S100A13: variants seen among roughly 807,000 people sequenced by gnomAD.
S100A13 encodes protein S100-A13.
In S100A13, 6 loss-of-function variants were observed where a neutral mutation model predicts 8.2. That is an observed-to-expected ratio of 0.73 (90% CI 0.40 to 1.44). S100A13 has a LOEUF of 1.44. Among genes scored for constraint, S100A13 ranks in the 40% most tolerant of loss-of-function variants. The pLI is 0.02. For synonymous variants in S100A13, 39 were observed against 45.9 expected (o/e 0.85, Z 0.61); for missense variants, 114 against 113.6 (o/e 1.00, Z -0.02).
chr1:153,633,439 G>A (rs1328235369), upstream of S100A13, among the ~76,000 whole-genome samples: 2 of 152,012 alleles, frequency 1.3e-5, no homozygotes, highest in African/African-American at 2.4e-5. Flanking sequence ...GTGGGGGGAG[G>A]ACATGGAAAC....
chr1:153,623,033 T>A (rs1293406107), intron 2 of S100A13, among the ~76,000 whole-genome samples: 1 of 151,106 alleles, frequency 6.6e-6, no homozygotes, highest in Non-Finnish European at 1.5e-5. Flanking sequence ...GAGGCTGCAG[T>A]GAACTGTAAT....
Position 153,624,586 on chromosome 1 carries a change from A to G in S100A13, c.153+1734T>C, listed in dbSNP as rs187599697. 8.1e-4 allele frequency among the ~76,000 whole-genome samples: 122 copies of G among 151,464 alleles called. 1 individual carries two copies. The highest frequency in any genetic ancestry group is 3.5e-3 in the Admixed American group (53 of 15,232). On this transcript the variant is annotated intron_variant, in intron 2 of 2. Transcript: ENST00000476133. ...AAACCACAATCACTGCTTGACAAGG[A>G]TATAAGGAATGCTGTCCCTTCAGGA...
At chr1:153,631,840 G>A, upstream of S100A13, 1 of 1,613,644 alleles carries the variant, frequency 6.2e-7, no homozygotes, top group Non-Finnish European at 8.5e-7. Context: ...GAGAACAGTT[G>A]AGCAGACAGC....
upstream of S100A13, chr1:153,631,945 C>T (rs530981857): frequency 5.1e-6 from 7 of 1,360,598 alleles, no homozygotes; most frequent in African/African-American, 6.0e-5. Flanking sequence ...TAACCCCACC[C>T]TTGCCCACCC....
At chr1:153,625,461 A>T (rs559667618) in intron 2 of S100A13, among the ~76,000 whole-genome samples, 1 of 152,332 alleles carries the variant, frequency 6.6e-6, no homozygotes, top group South Asian at 2.1e-4. Context: ...CGAGAGAAGG[A>T]ATGACTCTTA....
At chr1:153,619,623 T>C (rs753664900) in intron 2 of S100A13, among the ~76,000 whole-genome samples, 3 of 152,192 alleles carry the variant, frequency 2.0e-5, no homozygotes, top group African/African-American at 4.8e-5. Flanking sequence ...GTATCTCTCA[T>C]AGGCCTGTGA....
upstream of S100A13, chr1:153,627,920 A>G (rs140301290): frequency 3.5e-4 from 369 of 1,056,550 alleles, 2 homozygotes; most frequent in African/African-American, 5.1e-3. Flanking sequence ...GCTACAGACC[A>G]AGATCCCTCA....
In S100A13 at chr1:153,618,941, G is replaced by C. The variant is rs778746271; in HGVS notation, c.251C>G (p.Ala84Gly). The C allele has an allele frequency of 2.5e-5, 41 of 1,613,842 alleles. No individual in the cohort carries two copies. Among genetic ancestry groups the C allele is most frequent in the Admixed American group, 5.0e-5 (3 of 59,980 alleles). The change falls in exon 3 of 3, where the codon GCC (alanine) becomes GGC (glycine). Residue 84 changes from alanine to glycine, a missense_variant. Transcript: ENST00000476133. ...NEYWRLIGEL[A>G]KEIRKKKDLK... ...GTCTTTCTTCTTCCTGATTTCCTTG[G>C]CCAGCTCCCCAATCAATCTCCAGTA...
chr1:153,621,600 C>T (rs1183100713), intron 2 of S100A13, among the ~76,000 whole-genome samples: 2 of 150,818 alleles, frequency 1.3e-5, no homozygotes, highest in African/African-American at 2.4e-5. Context: ...TGATGAAACC[C>T]CATCTCGGGC....
At chr1:153,628,359 G>A (rs1571297362), upstream of S100A13, 6 of 1,542,002 alleles carry the variant, frequency 3.9e-6, 1 homozygote, top group South Asian at 1.2e-5. Context: ...GTGTTCGTCT[G>A]TGAAGGGGTG....
chr1:153,619,097 G>A (rs1667075298), intron 2 of S100A13, 59 bp from the exon 3 acceptor site: 1 of 1,501,622 alleles, frequency 6.7e-7, no homozygotes, highest in South Asian at 1.2e-5. Flanking sequence ...AGAAAGTAGG[G>A]AGGGAAGAAC....
In S100A13 at chr1:153,618,916, G is replaced by A. The variant is rs1667057841; in HGVS notation, c.276C>T (p.Asp92=). The A allele has an allele frequency of 1.2e-6, 2 of 1,614,040 alleles. No homozygotes were observed. Among genetic ancestry groups the A allele is most frequent in the Middle Eastern group, 1.7e-4 (1 of 6,060 alleles). The part of the protein sequence containing the change: ...ELAKEIRKKK[D]LKIRKK Reference sequence around the variant, plus strand: ...GGCTTTACTTCTTCCTGATCTTCAGGTCTTTCTTCTTCCTGATTTCCTTGG... The same window carrying A: ...GGCTTTACTTCTTCCTGATCTTCAGATCTTTCTTCTTCCTGATTTCCTTGG... Residue 92 remains aspartate, a synonymous_variant, in exon 3 of 3, where the codon GAC becomes GAT. Coordinates refer to ENST00000476133, the MANE Select transcript of S100A13 (RefSeq NM_001024211.2).
chr1:153,626,696 G>C (rs1288461335), intron 1 of S100A13, 163 bp from the exon 2 acceptor site: 4 of 483,974 alleles, frequency 8.3e-6, no homozygotes, highest in Non-Finnish European at 1.5e-5. Flanking sequence ...CAGCAGACCA[G>C]GCAACGGCAT....
At chr1:153,631,958 C>T, upstream of S100A13, 2 of 1,158,928 alleles carry the variant, frequency 1.7e-6, no homozygotes, top group Non-Finnish European at 2.4e-6. Flanking sequence ...GCCCACCCCA[C>T]CCCCACCCCC....
chr1:153,622,775 G>A (rs1667352962), intron 2 of S100A13, among the ~76,000 whole-genome samples: 1 of 152,204 alleles, frequency 6.6e-6, no homozygotes, highest in Non-Finnish European at 1.5e-5. Context: ...TCTGGGTCCA[G>A]TCCTGTCTTG....
At chr1:153,621,210 G>A (rs1383433788) in intron 2 of S100A13, among the ~76,000 whole-genome samples, 3 of 148,484 alleles carry the variant, frequency 2.0e-5, no homozygotes, top group Non-Finnish European at 4.4e-5. Flanking sequence ...AGGCTGGCGT[G>A]CAGTAGTATG....
chr1:153,627,812 G>C (rs917058549), upstream of S100A13: 29 of 527,890 alleles, frequency 5.5e-5, no homozygotes, highest in Non-Finnish European at 8.1e-5. Flanking sequence ...GTATGCTGAG[G>C]GGGGAAGAGG....
upstream of S100A13, chr1:153,631,968 C>G: frequency 1.8e-6 from 2 of 1,105,006 alleles, no homozygotes; most frequent in Non-Finnish European, 2.5e-6. Context: ...CCCCCACCCC[C>G]ACCAAGGGCG....
chr1:153,623,216 C>T (rs1028370008), intron 2 of S100A13, among the ~76,000 whole-genome samples: 1 of 152,010 alleles, frequency 6.6e-6, no homozygotes, highest in African/African-American at 2.4e-5. Context: ...GACGGAGTCT[C>T]GCTCTGTCGG....
Sources: gnomAD v4.1 joint callset for allele counts (sites outside exome capture counted in the v4.1 genomes callset) on GRCh38, gnomAD v4.1.1 for gene constraint, MANE v1.5 for transcripts, NCBI Gene and HGNC (gene_info 2026-07-23, HGNC 2026-07-21) for gene names.